SUCLG2: variants seen among roughly 807,000 people sequenced by gnomAD.
The protein encoded by SUCLG2 is succinate--CoA ligase [GDP-forming] subunit beta, mitochondrial.
Under a neutral mutation model 47.9 loss-of-function variants are expected in SUCLG2, and 42 were observed. That is an observed-to-expected ratio of 0.88 (90% CI 0.69 to 1.14). The LOEUF (loss-of-function observed/expected upper bound fraction) is 1.14. Among genes scored for constraint, SUCLG2 ranks in the 50% most tolerant of loss-of-function variants. The pLI is 0.00. For missense variants in SUCLG2, 571 were observed against 525.9 expected, an observed-to-expected ratio of 1.09 and a Z score of -0.84; for synonymous variants, 195 against 197.3, an observed-to-expected ratio of 0.99 and a Z score of 0.10.
At chr3:67,438,426 A>AC (rs1703677504) in intron 9 of SUCLG2, among the ~76,000 whole-genome samples, 1 of 151,666 alleles carries the variant, frequency 6.6e-6, no homozygotes, top group African/African-American at 2.4e-5. Context: ...TCATCCTCCC[A>AC]CCCAAAAAAA....
chr3:67,440,090 A>C (rs1703721679), intron 9 of SUCLG2, among the ~76,000 whole-genome samples: 1 of 151,956 alleles, frequency 6.6e-6, no homozygotes, highest in Non-Finnish European at 1.5e-5. Context: ...ATCAACAGCC[A>C]TCTGATCTTT....
intron 9 of SUCLG2, among the ~76,000 whole-genome samples, chr3:67,481,078 T>A (rs1470635898): frequency 1.3e-5 from 2 of 152,302 alleles, no homozygotes; most frequent in East Asian, 3.9e-4. Flanking sequence ...TCTTACATAA[T>A]CTGTGATGAT....
intron 1 of SUCLG2, among the ~76,000 whole-genome samples, chr3:67,651,870 A>G (rs1234972026): frequency 6.6e-6 from 1 of 152,174 alleles, no homozygotes; most frequent in East Asian, 1.9e-4. Context: ...TCTCCATCCC[A>G]TGACCCTGAC....
intron 9 of SUCLG2, among the ~76,000 whole-genome samples, chr3:67,447,920 G>C (rs992623094): frequency 6.6e-6 from 1 of 152,112 alleles, no homozygotes. Context: ...GTAGAGACAG[G>C]GTTTTGCCAT....
In SUCLG2 at chr3:67,499,954, A is replaced by G. The variant is rs374768063; in HGVS notation, c.758-1659T>C. Among the ~76,000 whole-genome samples, 3 of 152,142 alleles carry G rather than the reference A, an allele frequency of 2.0e-5. 1 individual carries two copies. Among genetic ancestry groups the G allele is most frequent in the African/African-American group, 7.2e-5 (3 of 41,504 alleles). On this transcript the variant is annotated intron_variant, in intron 7 of 10. Transcript: ENST00000307227. ...CACCGTGTTAGCCAGGATGGTCTCG[A>G]TCTCCTGACCTTGTGATCTGCCCAC...
intron 2 of SUCLG2, among the ~76,000 whole-genome samples, chr3:67,535,208 C>A (rs1706507173): frequency 6.6e-6 from 1 of 152,058 alleles, no homozygotes; most frequent in Non-Finnish European, 1.5e-5. Flanking sequence ...AGATGTGAGT[C>A]AGCCAGGGTT....
At chr3:67,606,089 T>C (rs1007455694) in intron 2 of SUCLG2, among the ~76,000 whole-genome samples, 1 of 151,992 alleles carries the variant, frequency 6.6e-6, no homozygotes, top group South Asian at 2.1e-4. Context: ...CCTGTAGTCC[T>C]ACCTACTCTG....
At chr3:67,586,657 G>A (rs1045458857) in intron 2 of SUCLG2, among the ~76,000 whole-genome samples, 7 of 152,196 alleles carry the variant, frequency 4.6e-5, no homozygotes, top group African/African-American at 1.7e-4. Flanking sequence ...TCTGTTGGAT[G>A]ACCTTTTGAA....
chr3:67,449,522 G>A (rs1704002635), intron 9 of SUCLG2, among the ~76,000 whole-genome samples: 1 of 149,076 alleles, frequency 6.7e-6, no homozygotes, highest in Non-Finnish European at 1.5e-5. Flanking sequence ...TTTTCCTATA[G>A]CAGTCATCAG....
At chr3:67,587,675 A>G (rs532386889) in intron 2 of SUCLG2, among the ~76,000 whole-genome samples, 1 of 152,204 alleles carries the variant, frequency 6.6e-6, no homozygotes, top group Non-Finnish European at 1.5e-5. Flanking sequence ...GATTGTACTG[A>G]AAGAAAAAAA....
chr3:67,614,533 G>A (rs1031937438), intron 1 of SUCLG2, among the ~76,000 whole-genome samples: 8 of 151,894 alleles, frequency 5.3e-5, no homozygotes, highest in African/African-American at 1.9e-4. Context: ...AAGCCTGTGT[G>A]CCTTACAATC....
Position 67,444,650 on chromosome 3 carries a change from T to A in SUCLG2, c.1063-43799A>T, listed in dbSNP as rs868362492. ...TCCGGGAGGGAGGTGGGGGTGTCAG[T>A]CCCCCGCCCGGCCAGCCGCCCCGTC... On this transcript the variant is annotated intron_variant, in intron 9 of 10. Transcript: ENST00000307227. 4.1e-4 allele frequency among the ~76,000 whole-genome samples: 3 copies of A among 7,368 alleles called. 1 individual carries two copies. In the East Asian group the frequency reaches 0.023, roughly 58 times the overall value. The allele number at this position is 7,368 out of a possible 152,430, so 4.8% of individuals were successfully genotyped here. A position where few individuals can be genotyped will look rare whatever the true frequency, so the allele number is the denominator to read the frequency against.
chr3:67,583,180 A>G (rs939184142), intron 2 of SUCLG2, among the ~76,000 whole-genome samples: 12 of 151,672 alleles, frequency 7.9e-5, no homozygotes, highest in Admixed American at 2.0e-4. Flanking sequence ...ACCTCCTGCC[A>G]CACCATCTCT....
intron 2 of SUCLG2, among the ~76,000 whole-genome samples, chr3:67,586,230 G>A (rs1575797643): frequency 6.6e-6 from 1 of 152,292 alleles, no homozygotes. Flanking sequence ...GATCAAGTGA[G>A]GCTCCTTCTT....
In SUCLG2 at chr3:67,637,366, A is replaced by C. The variant is rs147045281; in HGVS notation, c.84+17137T>G. Among the ~76,000 whole-genome samples, 625 of 152,330 alleles carry C rather than the reference A, an allele frequency of 4.1e-3. 1 individual carries two copies. The highest frequency in any genetic ancestry group is 0.014 in the African/African-American group (571 of 41,566). ...ACTTATTCAGAAGATTTCAATAAAA[A>C]ATTAATAACCACTTGCTTCCACTTT... On this transcript the variant is annotated intron_variant, in intron 1 of 10. Transcript: ENST00000307227.
At chr3:67,360,525 T>A (rs1383713694) in exon 11 of SUCLG2, 1 of 1,239,346 alleles carries the variant, frequency 8.1e-7, no homozygotes, top group African/African-American at 1.5e-5. Flanking sequence ...CATTTTCCAT[T>A]TCCATTAGCA....
At chr3:67,428,983 C>T (rs575718872) in intron 9 of SUCLG2, among the ~76,000 whole-genome samples, 3 of 152,200 alleles carry the variant, frequency 2.0e-5, no homozygotes, top group South Asian at 4.2e-4. Flanking sequence ...GATTGGTGTA[C>T]CTGAAAGTGA....
At chr3:67,584,019 G>T (rs953993759) in intron 2 of SUCLG2, among the ~76,000 whole-genome samples, 1 of 152,174 alleles carries the variant, frequency 6.6e-6, no homozygotes, top group Non-Finnish European at 1.5e-5. Flanking sequence ...AAAACTAGGG[G>T]TAAAAGTCTT....
chr3:67,510,549 G>A (rs945851394), intron 6 of SUCLG2, among the ~76,000 whole-genome samples: 19 of 152,058 alleles, frequency 1.2e-4, no homozygotes, highest in African/African-American at 3.6e-4. Context: ...AACACAGTAC[G>A]CATTCCTCCT....
Sources: gnomAD v4.1 joint callset for allele counts (sites outside exome capture counted in the v4.1 genomes callset) on GRCh38, gnomAD v4.1.1 for gene constraint, MANE v1.5 for transcripts, NCBI Gene and HGNC (gene_info 2026-07-23, HGNC 2026-07-21) for gene names.